The following SH3PXD2B variants were observed in gnomAD, a reference collection of about 807,000 sequenced individuals.
SH3PXD2B encodes SH3 and PX domain-containing protein 2B.
Under a neutral mutation model 73.1 loss-of-function variants are expected in SH3PXD2B, and 37 were observed. That is an observed-to-expected ratio of 0.51 (90% CI 0.39 to 0.67). The LOEUF is 0.67. SH3PXD2B is among the 30% of genes least tolerant of loss of function. SH3PXD2B has a pLI of 0.00. For missense variants in SH3PXD2B, 1,053 were observed against 1,197.8 expected, an observed-to-expected ratio of 0.88 and a Z score of 1.78; for synonymous variants, 457 against 480.5, an observed-to-expected ratio of 0.95 and a Z score of 0.64.
rs1248019666 is a variant in SH3PXD2B, at chr5:172,383,800, C to T, written c.310-1673G>A. Among the ~76,000 whole-genome samples the T allele has an allele frequency of 2.6e-5, 4 of 152,176 alleles. No individual in the cohort carries two copies. In the East Asian group the frequency reaches 7.7e-4, roughly 29 times the overall value. On this transcript the variant is annotated intron_variant, in intron 4 of 12. Coordinates refer to ENST00000311601, the MANE Select transcript of SH3PXD2B (RefSeq NM_001017995.3). ...CCTTCTCACCATGCTGAGCCTGAGT[C>T]TCTGGGGTCTGGGGATAGAAGAGAT...
chr5:172,448,763 T>C (rs1443428473), intron 1 of SH3PXD2B, among the ~76,000 whole-genome samples: 1 of 152,220 alleles, frequency 6.6e-6, no homozygotes, highest in Non-Finnish European at 1.5e-5. Flanking sequence ...AGGGGGGGCA[T>C]TCGGCCAGTT....
intron 3 of SH3PXD2B, among the ~76,000 whole-genome samples, chr5:172,397,906 A>G (rs923658467): frequency 6.6e-6 from 1 of 152,226 alleles, no homozygotes; most frequent in Non-Finnish European, 1.5e-5. Context: ...CTGTAAAAGA[A>G]AACAGGGCGG....
In SH3PXD2B at chr5:172,416,221, G is replaced by A. The variant is rs528429344; in HGVS notation, c.156+6195C>T. 9.9e-5 allele frequency among the ~76,000 whole-genome samples: 15 copies of A among 152,226 alleles called. No individual in the cohort carries two copies. In the East Asian group the frequency reaches 2.5e-3, roughly 26 times the overall value. ...CACACACCTGTAGTCTCAGCTACTC[G>A]GGAGGCTAAGGTGGGAGGATCACTT... On this transcript the variant is annotated intron_variant, in intron 2 of 12. Coordinates refer to ENST00000311601, the MANE Select transcript of SH3PXD2B (RefSeq NM_001017995.3).
chr5:172,402,782 G>A (rs138257948), intron 3 of SH3PXD2B, among the ~76,000 whole-genome samples: 1 of 152,244 alleles, frequency 6.6e-6, no homozygotes, highest in Non-Finnish European at 1.5e-5. Context: ...ATGACACCCA[G>A]CACCGGGGTG....
At chr5:172,442,402 C>T (rs1290545915) in intron 1 of SH3PXD2B, among the ~76,000 whole-genome samples, 2 of 152,188 alleles carry the variant, frequency 1.3e-5, no homozygotes, top group Non-Finnish European at 2.9e-5. Context: ...CATTTCTCCA[C>T]TTCATCAAAC....
chr5:172,442,851 C>G (rs780932592), intron 1 of SH3PXD2B, among the ~76,000 whole-genome samples: 1 of 152,158 alleles, frequency 6.6e-6, no homozygotes, highest in South Asian at 2.1e-4. Context: ...AACTGAAGCA[C>G]GGAGAGGTTC....
rs1228122154 is a variant in SH3PXD2B, at chr5:172,451,539, CA to C, written c.75+2738del. Among the ~76,000 whole-genome samples the C allele has an allele frequency of 2.6e-5, 4 of 152,260 alleles. No homozygotes were observed. In the East Asian group the frequency reaches 7.7e-4, roughly 29 times the overall value. On this transcript the variant is annotated intron_variant, in intron 1 of 12. Coordinates refer to ENST00000311601, the MANE Select transcript of SH3PXD2B (RefSeq NM_001017995.3). ...CAAAGAATGATCCAGCCCCAAATGT[CA>C]AAAGTGTTGAGTTTGAGAAACTCTG...
At chr5:172,331,560 C>T (rs1222301905), downstream of SH3PXD2B, among the ~76,000 whole-genome samples, 3 of 152,150 alleles carry the variant, frequency 2.0e-5, no homozygotes, top group Non-Finnish European at 2.9e-5. Context: ...AGCGTGCCCC[C>T]GTGATGGTAA....
At chr5:172,420,912 C>T (rs1758950183) in intron 2 of SH3PXD2B, among the ~76,000 whole-genome samples, 1 of 152,000 alleles carries the variant, frequency 6.6e-6, no homozygotes, top group Non-Finnish European at 1.5e-5. Flanking sequence ...GAAGCCAGAT[C>T]AGGTGACACC....
chr5:172,408,043 A>G (rs1366855414), intron 2 of SH3PXD2B, among the ~76,000 whole-genome samples: 1 of 151,918 alleles, frequency 6.6e-6, no homozygotes, highest in East Asian at 1.9e-4. Flanking sequence ...GTGCTGTTCT[A>G]CACGATGCCC....
chr5:172,351,515 G>A (rs1757157804), intron 9 of SH3PXD2B, among the ~76,000 whole-genome samples: 1 of 152,102 alleles, frequency 6.6e-6, no homozygotes, highest in Non-Finnish European at 1.5e-5. Context: ...ACAGCCAGTT[G>A]GGCACATCTC....
intron 10 of SH3PXD2B, among the ~76,000 whole-genome samples, chr5:172,348,532 A>C (rs1189771851): frequency 6.6e-6 from 1 of 152,106 alleles, no homozygotes; most frequent in African/African-American, 2.4e-5. Flanking sequence ...GTGAGAAAGA[A>C]ATACATATCT....
At chr5:172,441,457 G>A (rs1349067415) in intron 1 of SH3PXD2B, among the ~76,000 whole-genome samples, 2 of 152,354 alleles carry the variant, frequency 1.3e-5, no homozygotes, top group South Asian at 2.1e-4. Flanking sequence ...TTGGGACTGC[G>A]AGGGTACAAG....
chr5:172,326,804 C>T (rs948989805), intron 12 of SH3PXD2B, among the ~76,000 whole-genome samples: 4 of 151,802 alleles, frequency 2.6e-5, no homozygotes, highest in African/African-American at 9.7e-5. Flanking sequence ...ACTATCTGAC[C>T]CTTTAAGAAA....
In SH3PXD2B at chr5:172,383,255, A is replaced by G. The variant is rs564427274; in HGVS notation, c.310-1128T>C. 7.0e-4 allele frequency among the ~76,000 whole-genome samples: 107 copies of G among 152,318 alleles called. 1 individual carries two copies. The highest frequency in any genetic ancestry group is 1.3e-3 in the Non-Finnish European group (89 of 68,026). On this transcript the variant is annotated intron_variant, in intron 4 of 12. Transcript: ENST00000311601. ...GTCTCCAAGTTGATGAGGGGTTGAA[A>G]CAGATCTTCCACTGGCCAAATTCCA...
At chr5:172,438,059 G>A (rs1000485829) in intron 1 of SH3PXD2B, among the ~76,000 whole-genome samples, 5 of 152,170 alleles carry the variant, frequency 3.3e-5, no homozygotes, top group East Asian at 3.9e-4. Flanking sequence ...CAGGCACAAC[G>A]TGGGGCTTAG....
Position 172,336,698 on chromosome 5 carries a change from G to A in SH3PXD2B, c.*1671C>T. The A allele has an allele frequency of 2.0e-6, 2 of 984,298 alleles. No homozygotes were observed. The highest frequency in any genetic ancestry group is 2.3e-4 in the East Asian group (2 of 8,786). The allele number at this position is 984,298 out of a possible 1,614,324, so 61.0% of individuals were successfully genotyped here. A position where few individuals can be genotyped will look rare whatever the true frequency, so the allele number is the denominator to read the frequency against. On this transcript the variant is annotated 3_prime_UTR_variant, in exon 13 of 13. Transcript: ENST00000311601. ...AGATCTCTGGGGCAGGGCAGGGTGG[G>A]GAGGGGCGGGGCAGGGCAGGGCAGG...
At chr5:172,378,086 C>T (rs1043448778) in intron 5 of SH3PXD2B, among the ~76,000 whole-genome samples, 1 of 152,222 alleles carries the variant, frequency 6.6e-6, no homozygotes, top group Non-Finnish European at 1.5e-5. Flanking sequence ...AGCCACCATG[C>T]AGCCTCCGGG....
rs187885919 is a variant in SH3PXD2B at position 172,440,207 on chromosome 5, C to T, written c.75+14071G>A. On this transcript the variant is annotated intron_variant, in intron 1 of 12. Transcript: ENST00000311601. Reference sequence around the variant, plus strand: ...GTGAATGGAGCCGCCAACAAGAGCACCCACTACGCGCAAGGCAGTAGCATC... The same window carrying T: ...GTGAATGGAGCCGCCAACAAGAGCATCCACTACGCGCAAGGCAGTAGCATC... Among the ~76,000 whole-genome samples, 4 of 152,360 alleles carry T rather than the reference C, an allele frequency of 2.6e-5. No homozygotes were observed. The East Asian group carries it at 7.7e-4, about 29-fold the overall frequency.
Sources: allele counts gnomAD v4.1 joint callset (sites outside exome capture counted in the v4.1 genomes callset), GRCh38; gene constraint gnomAD v4.1.1; transcripts MANE v1.5; gene names NCBI Gene and HGNC (gene_info 2026-07-23, HGNC 2026-07-21).